Variants in EML4 observed in about 807,000 individuals in gnomAD.
The protein encoded by EML4 is EMAP like 4.
EML4 carries 72 observed loss-of-function variants against 129.0 expected under a neutral mutation model. The observed-to-expected ratio is 0.56, with a 90% CI of 0.46 to 0.68. The LOEUF is 0.68. EML4 is among the 30% of genes least tolerant of loss of function. EML4 has a pLI of 0.00. For missense variants in EML4, 1,363 were observed against 1,190.6 expected (o/e 1.14, Z -2.13); for synonymous variants, 532 against 405.0 (o/e 1.31, Z -3.77).
chr2:42,323,126 A>T (rs1354780946), intron 19 of EML4, among the ~76,000 whole-genome samples: 1 of 152,220 alleles, frequency 6.6e-6, no homozygotes. Flanking sequence ...AGATGCAGAT[A>T]GTATTTTTAA....
intron 1 of EML4, among the ~76,000 whole-genome samples, chr2:42,239,026 C>G (rs893885272): frequency 6.6e-6 from 1 of 152,142 alleles, no homozygotes; most frequent in African/African-American, 2.4e-5. Context: ...GCCTCAACGT[C>G]TCAAAAGTGC....
chr2:42,270,629 G>A (rs570533603), intron 6 of EML4, among the ~76,000 whole-genome samples: 6 of 152,274 alleles, frequency 3.9e-5, no homozygotes, highest in Admixed American at 2.6e-4. Flanking sequence ...ATATAATAGC[G>A]GTGTCCTGCT....
chr2:42,317,282 A>G (rs1300575717), intron 18 of EML4, 145 bp from the exon 19 acceptor site: 2 of 579,392 alleles, frequency 3.5e-6, no homozygotes, highest in Admixed American at 3.4e-5. Context: ...TTATTTTTCA[A>G]ATGTACTTAG....
At chr2:42,196,769 C>A (rs542111125) in intron 1 of EML4, among the ~76,000 whole-genome samples, 1 of 152,316 alleles carries the variant, frequency 6.6e-6, no homozygotes, top group East Asian at 1.9e-4. Flanking sequence ...TCCCTTCCCC[C>A]TCTGCCCATG....
intron 1 of EML4, among the ~76,000 whole-genome samples, chr2:42,177,829 G>A (rs936282130): frequency 6.6e-6 from 1 of 151,962 alleles, no homozygotes; most frequent in Non-Finnish European, 1.5e-5. Context: ...TTAGAAAAAT[G>A]AGGAGAAGAG....
chr2:42,169,716 C>G (rs964799682), intron 1 of EML4, 80 bp downstream of exon 1: 25 of 1,492,436 alleles, frequency 1.7e-5, no homozygotes, highest in Non-Finnish European at 2.2e-5. Context: ...AGGCCCTGCC[C>G]TCCCGCCTGC....
intron 17 of EML4, among the ~76,000 whole-genome samples, chr2:42,305,748 A>C (rs190347302): frequency 1.5e-3 from 226 of 152,340 alleles, no homozygotes; most frequent in African/African-American, 5.2e-3. Flanking sequence ...ACTCATTAAA[A>C]AATGTGGAAT....
Position 42,329,872 on chromosome 2 carries a change from C to A in EML4, c.2611C>A (p.Pro871Thr), listed in dbSNP as rs140486677. ...GAAACTTGTGGAAAAGTTATCTTTG[C>A]CTCAGAATGAGACTGTAGCGGATAC... The part of the protein sequence containing the change: ...QWKLVEKLSL[P>T]QNETVADTTL... The change falls in exon 23 of 23, where the codon CCT becomes ACT. Residue 871 changes from proline (P) to threonine (T), a missense_variant. By Grantham distance (38) the Pro-to-Thr change is conservative. Transcript: ENST00000318522. 29 of 1,613,918 alleles carry A rather than the reference C, an allele frequency of 1.8e-5. No homozygotes were observed. In the African/African-American group the frequency reaches 3.7e-4, roughly 21 times the overall value.
chr2:42,203,715 GA>G (rs912033635), intron 1 of EML4, among the ~76,000 whole-genome samples: 10 of 141,808 alleles, frequency 7.1e-5, no homozygotes, highest in Admixed American at 2.8e-4. Flanking sequence ...ATAAAGAGGG[GA>G]AAAAAAAAAC....
chr2:42,308,572 AC>A lies in EML4; in HGVS notation c.1967+4028del, dbSNP rs373310886. On this transcript the variant is annotated intron_variant, in intron 17 of 22. Transcript: ENST00000318522. Reference sequence around the variant, plus strand: ...ACTTTGTTGAGATATAATTCACATAACCCCCCCAAAAAAGAAATAAAAAATA... The same window carrying A: ...ACTTTGTTGAGATATAATTCACATAACCCCCCAAAAAAGAAATAAAAAATA... 4.3e-4 allele frequency among the ~76,000 whole-genome samples: 65 copies of A among 152,068 alleles called. 1 individual carries two copies. Among genetic ancestry groups the A allele is most frequent in the Middle Eastern group, 3.4e-3 (1 of 294 alleles).
chr2:42,319,323 A>G (rs1053713449), intron 19 of EML4, among the ~76,000 whole-genome samples: 3 of 152,236 alleles, frequency 2.0e-5, no homozygotes, highest in Admixed American at 2.0e-4. Flanking sequence ...GAATAATCAG[A>G]ATGACTTGGA....
At chr2:42,272,473 T>G (rs907559801) in intron 6 of EML4, among the ~76,000 whole-genome samples, 1 of 152,092 alleles carries the variant, frequency 6.6e-6, no homozygotes, top group Non-Finnish European at 1.5e-5. Flanking sequence ...TTTATTTGAT[T>G]CAGGGGTTTT....
At chr2:42,185,897 A>G (rs950688154) in intron 1 of EML4, among the ~76,000 whole-genome samples, 2 of 152,202 alleles carry the variant, frequency 1.3e-5, no homozygotes, top group African/African-American at 4.8e-5. Flanking sequence ...GGTTTTCTTC[A>G]GTAGTGGGAT....
At chr2:42,319,665 C>T (rs1669420319) in intron 19 of EML4, 1 of 152,172 alleles carries the variant, frequency 6.6e-6, no homozygotes, top group African/African-American at 2.4e-5. Context: ...TAGTTTGTGA[C>T]TTTAGGCAAG....
intron 19 of EML4, among the ~76,000 whole-genome samples, chr2:42,324,871 G>T (rs1669703608): frequency 1.3e-5 from 2 of 152,144 alleles, no homozygotes; most frequent in Non-Finnish European, 2.9e-5. Context: ...GTTGTTTCCT[G>T]CTTAAGGAAT....
At chr2:42,182,374 C>CCCCTCAT (rs1671000391) in intron 1 of EML4, among the ~76,000 whole-genome samples, 1 of 149,434 alleles carries the variant, frequency 6.7e-6, no homozygotes, top group Non-Finnish European at 1.5e-5. Flanking sequence ...GCTGGGCTGC[C>CCCCTCAT]CCCTCATCTT....
intron 17 of EML4, among the ~76,000 whole-genome samples, chr2:42,309,405 C>G (rs1448974482): frequency 7.0e-6 from 1 of 143,816 alleles, no homozygotes; most frequent in Non-Finnish European, 1.5e-5. Context: ...GAGCGAGACC[C>G]TTTCTCAAAA....
chr2:42,281,307 C>T (rs1382407196), intron 7 of EML4, among the ~76,000 whole-genome samples: 3 of 151,176 alleles, frequency 2.0e-5, no homozygotes, highest in Non-Finnish European at 4.4e-5. Flanking sequence ...GCAGGAGAAT[C>T]ACTTGAACCC....
At chr2:42,232,566 C>G (rs995324545) in intron 1 of EML4, among the ~76,000 whole-genome samples, 3 of 152,170 alleles carry the variant, frequency 2.0e-5, no homozygotes, top group African/African-American at 7.2e-5. Context: ...TTATATATTC[C>G]CCAACCCACC....
Sources: gnomAD v4.1 joint callset for allele counts (sites outside exome capture counted in the v4.1 genomes callset) on GRCh38, gnomAD v4.1.1 for gene constraint, MANE v1.5 for transcripts, NCBI Gene and HGNC (gene_info 2026-07-23, HGNC 2026-07-21) for gene names.